Variants in DNAH3 observed in about 807,000 individuals in gnomAD.
DNAH3 encodes dynein axonemal heavy chain 3, also known as axonemal beta dynein heavy chain 3.
DNAH3 carries 332 observed loss-of-function variants against 432.5 expected under a neutral mutation model. The ratio of observed to expected loss-of-function variants is 0.77; its 90% CI spans 0.70 to 0.84. DNAH3 has a LOEUF of 0.84. DNAH3 is among the 40% of genes least tolerant of loss of function. DNAH3 has a pLI of 0.00. For missense variants in DNAH3, 4,861 were observed against 5,114.0 expected (o/e 0.95, Z 1.51); for synonymous variants, 1,956 against 1,900.2 (o/e 1.03, Z -0.76).
intron 47 of DNAH3, 104 bp from the exon 48 acceptor site, chr16:20,985,819 G>C: frequency 8.7e-7 from 1 of 1,147,434 alleles, no homozygotes; most frequent in Non-Finnish European, 1.2e-6. Context: ...TATTTCCTCT[G>C]AGCACATCCT....
chr16:21,019,321 T>G, intron 41 of DNAH3: 1 of 350,290 alleles, frequency 2.9e-6, no homozygotes, highest in South Asian at 2.7e-5. Context: ...CACACCCAGC[T>G]AATTTTGTTT....
intron 41 of DNAH3, among the ~76,000 whole-genome samples, chr16:21,013,603 C>T (rs2087711714): frequency 6.6e-6 from 1 of 151,276 alleles, no homozygotes. Context: ...ACTTTAATCC[C>T]AGCTACTCGG....
intron 1 of DNAH3, among the ~76,000 whole-genome samples, chr16:21,153,595 A>C (rs1307700701): frequency 6.6e-6 from 1 of 152,122 alleles, no homozygotes; most frequent in Non-Finnish European, 1.5e-5. Context: ...TTGTTCTTTC[A>C]CTGTTTGGGT....
At chr16:21,155,621 C>CAAAA (rs369001374) in intron 1 of DNAH3, among the ~76,000 whole-genome samples, 8 of 76,740 alleles carry the variant, frequency 1.0e-4, no homozygotes, top group African/African-American at 2.3e-4. Flanking sequence ...GACTCCGTCT[C>CAAAA]AAAAAAAAAA....
intron 41 of DNAH3, among the ~76,000 whole-genome samples, chr16:21,012,499 G>A (rs548720624): frequency 2.0e-5 from 3 of 152,166 alleles, no homozygotes; most frequent in African/African-American, 7.2e-5. Context: ...AATACATGAG[G>A]CAAAACTGAT....
intron 21 of DNAH3, among the ~76,000 whole-genome samples, chr16:21,074,635 G>A (rs2152766342): frequency 6.6e-6 from 1 of 152,138 alleles, no homozygotes; most frequent in Non-Finnish European, 1.5e-5. Flanking sequence ...AATCGCTTGA[G>A]CCTGGGAGGC....
At chr16:21,102,665 C>G (rs2091863621) in intron 16 of DNAH3, among the ~76,000 whole-genome samples, 1 of 152,028 alleles carries the variant, frequency 6.6e-6, no homozygotes, top group Non-Finnish European at 1.5e-5. Context: ...TGTAAGTTTA[C>G]TTATATAACA....
chr16:21,025,059 G>A (rs942953258), intron 38 of DNAH3, among the ~76,000 whole-genome samples: 2 of 152,008 alleles, frequency 1.3e-5, no homozygotes, highest in African/African-American at 2.4e-5. Flanking sequence ...CGAGTAGCTG[G>A]AATTACAAGT....
rs532359960 is a variant in DNAH3, at chr16:21,038,509, T to C, written c.4731-529A>G. On this transcript the variant is annotated intron_variant, in intron 33 of 61. Transcript: ENST00000261383. ...CTCCACTTTGGATTTTCAGATGAGA[T>C]TGGCTGCGTTCAGTGTGGTATGGCT... Among the ~76,000 whole-genome samples, 212 of 152,282 alleles carry C rather than the reference T, an allele frequency of 1.4e-3. 1 individual carries two copies. The highest frequency in any genetic ancestry group is 2.7e-3 in the Non-Finnish European group (182 of 67,998).
At chr16:21,145,464 A>C in intron 2 of DNAH3, 58 bp from the exon 4 acceptor site, 2 of 1,463,334 alleles carry the variant, frequency 1.4e-6, no homozygotes, top group South Asian at 2.3e-5. Context: ...GATGAGCCTG[A>C]GCTCTGCTCA....
At chr16:21,016,658 G>A (rs2087870818) in intron 41 of DNAH3, among the ~76,000 whole-genome samples, 1 of 152,122 alleles carries the variant, frequency 6.6e-6, no homozygotes, top group Non-Finnish European at 1.5e-5. Context: ...TCACTTCTGA[G>A]TATATACACC....
At chr16:21,034,120 C>A in intron 35 of DNAH3, 35 bp from the exon 36 acceptor site, 2 of 1,366,238 alleles carry the variant, frequency 1.5e-6, no homozygotes, top group South Asian at 1.2e-5. Flanking sequence ...AGAAGCTAAT[C>A]ATTGCAACGC....
At chr16:20,986,411 G>A (rs890031445) in intron 47 of DNAH3, among the ~76,000 whole-genome samples, 1 of 152,062 alleles carries the variant, frequency 6.6e-6, no homozygotes, top group African/African-American at 2.4e-5. Flanking sequence ...AGGAGGCCGA[G>A]GTGGAGGACT....
At chr16:20,965,523 A>G in intron 52 of DNAH3, 98 bp from the exon 53 acceptor site, 1 of 1,094,526 alleles carries the variant, frequency 9.1e-7, no homozygotes, top group Non-Finnish European at 1.3e-6. Context: ...AAAAACAAAA[A>G]CAAAAACATG....
chr16:20,948,642 G>A lies in DNAH3; in HGVS notation c.11189-5C>T, dbSNP rs945306353. Reference sequence around the variant, plus strand: ...TGCCTCCGTAATTACATTCCCCTGGGGACAACCAACAGAAGGAGAGGTTGA... The same window carrying A: ...TGCCTCCGTAATTACATTCCCCTGGAGACAACCAACAGAAGGAGAGGTTGA... On this transcript the variant is annotated splice_polypyrimidine_tract_variant and splice_region_variant and intron_variant, in intron 56 of 61. Transcript: ENST00000261383. The A allele has an allele frequency of 3.7e-6, 6 of 1,613,888 alleles. No homozygotes were observed. The African/African-American group carries it at 6.7e-5, about 18-fold the overall frequency.
intron 61 of DNAH3, 112 bp from the exon 62 acceptor site, chr16:20,933,619 C>G (rs2083487941): frequency 1.2e-6 from 1 of 802,716 alleles, no homozygotes; most frequent in African/African-American, 1.7e-5. Flanking sequence ...CAATATCTAC[C>G]TCTCCCAGGA....
exon 25 of DNAH3, chr16:21,062,654 A>C (rs1205562755): frequency 2.5e-6 from 4 of 1,613,860 alleles, no homozygotes; most frequent in Non-Finnish European, 3.4e-6. Flanking sequence ...CAAGATTTCC[A>C]GCAGCTCATC....
chr16:21,138,543 G>A (rs2092675200), intron 5 of DNAH3, among the ~76,000 whole-genome samples: 1 of 152,010 alleles, frequency 6.6e-6, no homozygotes, highest in South Asian at 2.1e-4. Flanking sequence ...TGGGTGCGGT[G>A]GCTCACGCCA....
chr16:20,987,693 C>T (rs1319245885), exon 46 of DNAH3: 2 of 1,613,346 alleles, frequency 1.2e-6, no homozygotes, highest in South Asian at 2.2e-5. Flanking sequence ...AGTGGCTGAC[C>T]TGCAGGTGTG....
Sources: allele counts gnomAD v4.1 joint callset (sites outside exome capture counted in the v4.1 genomes callset), GRCh38; gene constraint gnomAD v4.1.1; transcripts MANE v1.5; gene names NCBI Gene and HGNC (gene_info 2026-07-23, HGNC 2026-07-21).